The following ZMYM6 variants were observed in gnomAD, a reference collection of about 807,000 sequenced individuals.
ZMYM6 encodes the protein zinc finger MYM-type protein 6.
ZMYM6 carries 90 observed loss-of-function variants against 134.0 expected under a neutral mutation model. That is an observed-to-expected ratio of 0.67 (90% CI 0.57 to 0.80). The LOEUF is 0.80. Among genes scored for constraint, ZMYM6 ranks in the 30% least tolerant of loss-of-function variants. The pLI is 0.00. For synonymous variants in ZMYM6, 481 were observed against 524.1 expected, an observed-to-expected ratio of 0.92 and a Z score of 1.12; for missense variants, 1,362 against 1,533.9, an observed-to-expected ratio of 0.89 and a Z score of 1.87.
At chr1:35,028,889 T>A (rs1435084560) in intron 2 of ZMYM6, among the ~76,000 whole-genome samples, 1 of 151,946 alleles carries the variant, frequency 6.6e-6, no homozygotes, top group East Asian at 1.9e-4. Flanking sequence ...TCTTACTTTC[T>A]CACTTAAAAC....
chr1:35,026,696 T>C (rs1310926464), intron 2 of ZMYM6, among the ~76,000 whole-genome samples: 1 of 152,236 alleles, frequency 6.6e-6, no homozygotes, highest in Non-Finnish European at 1.5e-5. Context: ...ATATTGCATC[T>C]GGAGTAACAA....
chr1:35,007,123 T>C lies in ZMYM6; in HGVS notation c.1666-25A>G, dbSNP rs964083811. ...TCTGAAAAAGAAATGTTAGACAAGA[T>C]AGGCTTAAAACTATAAAATAATGAA... On this transcript the variant is annotated intron_variant, in intron 11 of 15. Transcript: ENST00000357182. 6 of 1,585,940 alleles carry C rather than the reference T, an allele frequency of 3.8e-6. No homozygotes were observed. The Admixed American group carries it at 9.2e-5, about 24-fold the overall frequency.
chr1:34,994,711 C>T (rs1640744373), intron 14 of ZMYM6, among the ~76,000 whole-genome samples: 1 of 151,894 alleles, frequency 6.6e-6, no homozygotes, highest in South Asian at 2.1e-4. Context: ...TGCGTTGGTA[C>T]AAAAATAATT....
intron 14 of ZMYM6, 170 bp downstream of exon 14, chr1:35,003,798 C>G (rs1410887074): frequency 1.7e-6 from 1 of 592,220 alleles, no homozygotes; most frequent in African/African-American, 1.9e-5. Flanking sequence ...GAAATATGGT[C>G]AAAAGCCTAT....
intron 14 of ZMYM6, among the ~76,000 whole-genome samples, chr1:34,997,929 A>G (rs1640811755): frequency 6.6e-6 from 1 of 152,172 alleles, no homozygotes; most frequent in Admixed American, 6.5e-5. Context: ...TAAATAATCC[A>G]TATTTTTCCT....
intron 10 of ZMYM6, among the ~76,000 whole-genome samples, chr1:35,010,015 C>CT (rs943885082): frequency 2.9e-4 from 43 of 145,988 alleles, no homozygotes; most frequent in Admixed American, 4.8e-4. Flanking sequence ...TCAAAAAAAC[C>CT]TTTTTTTTTT....
chr1:34,998,433 T>G (rs956703437), intron 14 of ZMYM6, among the ~76,000 whole-genome samples: 1 of 152,210 alleles, frequency 6.6e-6, no homozygotes, highest in Admixed American at 6.5e-5. Context: ...CTTTATTCTT[T>G]TCAGAATGTC....
At chr1:35,012,083 A>C (rs948094320) in intron 7 of ZMYM6, 78 bp from the exon 8 acceptor site, 3 of 903,244 alleles carry the variant, frequency 3.3e-6, no homozygotes, top group Non-Finnish European at 1.6e-6. Flanking sequence ...GGGAGAATGA[A>C]AAAATTAAAT....
intron 14 of ZMYM6, among the ~76,000 whole-genome samples, chr1:35,001,310 A>C (rs1483125647): frequency 7.1e-6 from 1 of 140,752 alleles, no homozygotes; most frequent in African/African-American, 2.6e-5. Context: ...GCACTACATT[A>C]TTTATTATAC....
intron 6 of ZMYM6, chr1:35,013,549 G>A: frequency 1.0e-6 from 1 of 985,282 alleles, no homozygotes; most frequent in Non-Finnish European, 1.2e-6. Flanking sequence ...GCCAAAAATG[G>A]CAAATCTTAA....
intron 2 of ZMYM6, among the ~76,000 whole-genome samples, chr1:35,024,898 T>C (rs1005276537): frequency 6.6e-6 from 1 of 152,026 alleles, no homozygotes; most frequent in South Asian, 2.1e-4. Flanking sequence ...AGATGGAATA[T>C]TGCTCTGTTG....
In ZMYM6 at chr1:35,023,296, G is replaced by A. The variant is rs559445777; in HGVS notation, c.94-2829C>T. Among the ~76,000 whole-genome samples the A allele has an allele frequency of 8.6e-5, 13 of 151,976 alleles. No individual in the cohort carries two copies. The East Asian group carries it at 9.7e-4, about 11-fold the overall frequency. On this transcript the variant is annotated intron_variant, in intron 2 of 15. Transcript: ENST00000357182. ...CTAATTTTGTATTTTTAGTAGAGAC[G>A]GGGTTTCTCCATGTTGGTCAGGCTG...
At position 34,988,611 on chromosome 1, in the gene ZMYM6, A is replaced by G; in HGVS notation, c.2471T>C (p.Val824Ala). The change falls in exon 16 of 16, where the codon GTT becomes GCT. Residue 824 changes from valine (V) to alanine (A), a missense_variant. Transcript: ENST00000357182. ...QNSSLKKCLL[V>A]EKSLVKASYL... ...AGAAGCTTTCACAAGTGACTTTTCA[A>G]CTAGTAAACACTTTTTTAAAGAACT... The G allele has an allele frequency of 6.5e-7, 1 of 1,548,878 alleles. No individual in the cohort carries two copies. The highest frequency in any genetic ancestry group is 8.7e-7 in the Non-Finnish European group (1 of 1,146,284).
At chr1:34,996,565 A>AGT (rs760721636) in intron 14 of ZMYM6, among the ~76,000 whole-genome samples, 7 of 152,040 alleles carry the variant, frequency 4.6e-5, no homozygotes, top group Non-Finnish European at 7.4e-5. Flanking sequence ...CATATATACA[A>AGT]GTGTGTGTGT....
At chr1:35,021,374 A>G (rs1270632659) in intron 2 of ZMYM6, among the ~76,000 whole-genome samples, 1 of 151,880 alleles carries the variant, frequency 6.6e-6, no homozygotes, top group Non-Finnish European at 1.5e-5. Flanking sequence ...GGAACTCCTG[A>G]CCTCAGGTGA....
intron 2 of ZMYM6, among the ~76,000 whole-genome samples, chr1:35,023,676 G>T (rs920266563): frequency 2.7e-5 from 4 of 148,022 alleles, no homozygotes; most frequent in Non-Finnish European, 4.4e-5. Flanking sequence ...ATGCTGGAAT[G>T]CAGTGGACGA....
intron 2 of ZMYM6, among the ~76,000 whole-genome samples, chr1:35,025,651 A>C (rs1227570561): frequency 6.6e-6 from 1 of 152,130 alleles, no homozygotes; most frequent in East Asian, 1.9e-4. Flanking sequence ...TCTCTCCATT[A>C]CACTATCAAT....
intron 4 of ZMYM6, chr1:35,019,002 G>C (rs1641255651): frequency 5.3e-6 from 2 of 374,874 alleles, no homozygotes; most frequent in Non-Finnish European, 9.5e-6. Flanking sequence ...ACTATTAAAA[G>C]AGTGATATTA....
In ZMYM6 at chr1:34,987,782, C is replaced by T; in HGVS notation, c.3300G>A (p.Leu1100=). ...EIFLSQKHSD[L]AKYFHDEEWV... ...ATTCCTCATCATGAAAATACTTGGC[C>T]AAATCTGAATGCTTTTGACTTAAAA... Residue 1100 remains leucine (L), a synonymous_variant, in exon 16 of 16, where the codon TTG becomes TTA. Transcript: ENST00000357182. 2.6e-6 allele frequency: 4 copies of T among 1,551,358 alleles called. No homozygotes were observed. The South Asian group carries it at 4.8e-5, about 18-fold the overall frequency.
Sources: gnomAD v4.1 joint callset for allele counts (sites outside exome capture counted in the v4.1 genomes callset) on GRCh38, gnomAD v4.1.1 for gene constraint, MANE v1.5 for transcripts, NCBI Gene and HGNC (gene_info 2026-07-23, HGNC 2026-07-21) for gene names.